The following ABHD18 variants were observed in gnomAD, a reference collection of about 807,000 sequenced individuals.
ABHD18 encodes the protein cardiolipin-specific deacylase, mitochondrial.
Under a neutral mutation model 65.9 loss-of-function variants are expected in ABHD18, and 55 were observed. The ratio of observed to expected loss-of-function variants is 0.84; its 90% CI spans 0.67 to 1.05. The LOEUF (loss-of-function observed/expected upper bound fraction) is 1.05, where lower values mean the gene tolerates loss of function less well. ABHD18 is among the 50% of genes least tolerant of loss of function. The pLI is 0.00. For synonymous variants in ABHD18, 181 were observed against 180.2 expected, an observed-to-expected ratio of 1.00 and a Z score of -0.04; for missense variants, 533 against 558.5, an observed-to-expected ratio of 0.95 and a Z score of 0.46.
chr4:127,970,440 A>T (rs1296325848), intron 1 of ABHD18, among the ~76,000 whole-genome samples: 2 of 151,656 alleles, frequency 1.3e-5, no homozygotes, highest in African/African-American at 4.8e-5. Flanking sequence ...TAAAAATACA[A>T]AATTAGCCAG....
At chr4:128,005,522 G>C (rs1254174346) in intron 4 of ABHD18, among the ~76,000 whole-genome samples, 3 of 152,066 alleles carry the variant, frequency 2.0e-5, no homozygotes, top group African/African-American at 7.2e-5. Flanking sequence ...GAATACAGTG[G>C]CCTGATCACA....
chr4:128,030,783 G>C, intron 12 of ABHD18, 111 bp downstream of exon 12: 1 of 1,438,806 alleles, frequency 7.0e-7, no homozygotes. Flanking sequence ...TTCAATCTTT[G>C]AATTCCCTCC....
chr4:128,028,471 TCAGA>T lies in ABHD18; in HGVS notation c.803_806del (p.Thr268IlefsTer10). ...TAATGTTTTCTTTCCTTTCATATGT[TCAGA>T]CAGATTCTTTCAAAATGGGACAAGA... On this transcript the variant is annotated splice_acceptor_variant and splice_polypyrimidine_tract_variant and coding_sequence_variant and intron_variant, in exon 11 of 13. Transcript: ENST00000645843. LOFTEE classifies it high-confidence loss of function. 2.0e-6 allele frequency: 3 copies of T among 1,520,752 alleles called. No individual in the cohort carries two copies. Among genetic ancestry groups the T allele is most frequent in the Non-Finnish European group, 2.6e-6 (3 of 1,139,004 alleles). 94.2% of individuals were successfully genotyped at this position (1,520,752 alleles called of 1,614,324 possible).
chr4:127,976,309 A>G (rs1249134629), intron 1 of ABHD18, among the ~76,000 whole-genome samples: 2 of 152,130 alleles, frequency 1.3e-5, no homozygotes, highest in Non-Finnish European at 2.9e-5. Flanking sequence ...TTTGTACCCA[A>G]TTTCATTATG....
rs916689557 is a variant in ABHD18, at chr4:128,004,427, G to A, written c.279-4493G>A. Among the ~76,000 whole-genome samples the A allele has an allele frequency of 1.1e-3, 165 of 151,616 alleles. 1 individual carries two copies. The highest frequency in any genetic ancestry group is 1.8e-4 in the Non-Finnish European group (12 of 67,940). On this transcript the variant is annotated intron_variant, in intron 4 of 12. Transcript: ENST00000645843. ...AGATCGCACCACTGCACTCCAGCCTGGGCAACAGAGCAAGACTCCATCTCA... is the reference window on the plus strand; with the variant it reads ...AGATCGCACCACTGCACTCCAGCCTAGGCAACAGAGCAAGACTCCATCTCA...
chr4:128,029,352 T>TCA (rs761301032), intron 11 of ABHD18, among the ~76,000 whole-genome samples: 5 of 151,260 alleles, frequency 3.3e-5, no homozygotes, highest in Admixed American at 6.6e-5. Context: ...AGCAAGACTC[T>TCA]CACACACACA....
At chr4:128,002,712 G>A (rs1579298472) in intron 4 of ABHD18, among the ~76,000 whole-genome samples, 1 of 151,842 alleles carries the variant, frequency 6.6e-6, no homozygotes, top group African/African-American at 2.4e-5. Flanking sequence ...GGCGTGATCT[G>A]GGCTCACGAC....
intron 1 of ABHD18, among the ~76,000 whole-genome samples, chr4:127,976,996 G>A (rs1252670625): frequency 1.3e-5 from 2 of 151,462 alleles, no homozygotes; most frequent in East Asian, 2.0e-4. Context: ...AGCCAAGATC[G>A]TGCTACTGCA....
intron 4 of ABHD18, among the ~76,000 whole-genome samples, chr4:128,005,704 C>A (rs1753481301): frequency 6.6e-6 from 1 of 152,140 alleles, no homozygotes; most frequent in Non-Finnish European, 1.5e-5. Flanking sequence ...CCTTGGCCTC[C>A]CAAAGCACTA....
chr4:127,971,703 G>A (rs762080364), intron 1 of ABHD18, among the ~76,000 whole-genome samples: 1 of 151,798 alleles, frequency 6.6e-6, no homozygotes, highest in Non-Finnish European at 1.5e-5. Context: ...TGTTAGCCAG[G>A]GTGGTCTCAA....
chr4:128,005,818 C>T (rs887363379), intron 4 of ABHD18, among the ~76,000 whole-genome samples: 2 of 152,142 alleles, frequency 1.3e-5, no homozygotes, highest in African/African-American at 2.4e-5. Context: ...CAAGAGGATA[C>T]TTCCCTTATC....
intron 4 of ABHD18, among the ~76,000 whole-genome samples, chr4:128,008,261 CTTTTTTTTTTTTTTT>C (rs1167728243): frequency 3.1e-5 from 3 of 97,784 alleles, no homozygotes; most frequent in Admixed American, 2.2e-4. Context: ...GACTCCGTTC[CTTTTTTTTTTTTTTT>C]TTTTTTTTTT....
At chr4:127,970,064 TAA>T (rs1388898094) in intron 1 of ABHD18, among the ~76,000 whole-genome samples, 3 of 151,798 alleles carry the variant, frequency 2.0e-5, no homozygotes. Context: ...TTTTTTTTTT[TAA>T]GAGACGAGGT....
intron 4 of ABHD18, among the ~76,000 whole-genome samples, chr4:127,999,784 T>C (rs1174519280): frequency 6.6e-6 from 1 of 152,214 alleles, no homozygotes; most frequent in East Asian, 1.9e-4. Context: ...AGAAGCTCTT[T>C]AGTTTAATTA....
chr4:128,029,037 A>G (rs1757799618), intron 11 of ABHD18, among the ~76,000 whole-genome samples, 184 bp downstream of exon 11: 1 of 152,162 alleles, frequency 6.6e-6, no homozygotes, highest in African/African-American at 2.4e-5. Flanking sequence ...TGAAAATTTA[A>G]GATTATCTTA....
chr4:128,032,524 A>C (rs1344509779), intron 12 of ABHD18, among the ~76,000 whole-genome samples: 1 of 152,162 alleles, frequency 6.6e-6, no homozygotes, highest in Non-Finnish European at 1.5e-5. Flanking sequence ...GTCTCTACTA[A>C]AAATACAAAA....
At position 127,981,593 on chromosome 4, in the gene ABHD18, T is replaced by G. The variant is rs904851782; in HGVS notation, c.-17-1346T>G. On this transcript the variant is annotated intron_variant, in intron 1 of 12. Transcript: ENST00000645843. ...ATATTCTTAGAAGTGCAGGAACTTA[T>G]TAACCCACCCAGGGATGGTTCATCT... Among the ~76,000 whole-genome samples the G allele has an allele frequency of 9.8e-5, 15 of 152,324 alleles. No individual in the cohort carries two copies. The Middle Eastern group carries it at 0.01, about 104-fold the overall frequency.
intron 12 of ABHD18, among the ~76,000 whole-genome samples, chr4:128,032,479 G>A (rs1758348876): frequency 6.6e-6 from 1 of 152,190 alleles, no homozygotes; most frequent in Non-Finnish European, 1.5e-5. Context: ...GACATCAGGA[G>A]TTCGAGCCCA....
intron 1 of ABHD18, among the ~76,000 whole-genome samples, chr4:127,970,164 T>A (rs1410413807): frequency 6.6e-6 from 1 of 152,082 alleles, no homozygotes; most frequent in Non-Finnish European, 1.5e-5. Flanking sequence ...ATTGCAGATG[T>A]GAGCCACCAC....
Sources: gnomAD v4.1 joint callset for allele counts (sites outside exome capture counted in the v4.1 genomes callset) on GRCh38, gnomAD v4.1.1 for gene constraint, MANE v1.5 for transcripts, NCBI Gene and HGNC (gene_info 2026-07-23, HGNC 2026-07-21) for gene names.